Variants in STK3 observed in about 807,000 individuals in gnomAD.
STK3 encodes the protein serine/threonine kinase 3, also known as serine/threonine-protein kinase 3.
Under a neutral mutation model 58.0 loss-of-function variants are expected in STK3, and 41 were observed. The observed-to-expected ratio is 0.71, with a 90% CI of 0.55 to 0.92. The LOEUF is 0.92. STK3 is among the 40% of genes least tolerant of loss of function. The pLI, the probability that STK3 is intolerant of heterozygous loss-of-function variation, is 0.00. For missense variants in STK3, 479 were observed against 602.7 expected (o/e 0.79, Z 2.15); for synonymous variants, 170 against 191.0 (o/e 0.89, Z 0.91).
chr8:98,812,891 T>TG (rs758694582), intron 1 of STK3, among the ~76,000 whole-genome samples: 1 of 151,550 alleles, frequency 6.6e-6, no homozygotes, highest in Non-Finnish European at 1.5e-5. Flanking sequence ...TGTTGTAGGG[T>TG]GGGGGGAGTG....
At chr8:98,612,044 T>A (rs922759259) in intron 6 of STK3, among the ~76,000 whole-genome samples, 2 of 148,880 alleles carry the variant, frequency 1.3e-5, no homozygotes, top group South Asian at 4.2e-4. Flanking sequence ...GTATATAAAA[T>A]ATATATAAAT....
chr8:98,767,179 G>A (rs1237944978), intron 3 of STK3, 64 bp downstream of exon 3: 18 of 1,447,846 alleles, frequency 1.2e-5, no homozygotes, highest in Non-Finnish European at 1.5e-5. Flanking sequence ...AATAAATTTT[G>A]TTATATTTTA....
intron 1 of STK3, among the ~76,000 whole-genome samples, chr8:98,908,168 A>G (rs1426680565): frequency 6.6e-6 from 1 of 152,232 alleles, no homozygotes; most frequent in Non-Finnish European, 1.5e-5. Context: ...ACTATTTCAG[A>G]AAGGGTGCAA....
chr8:98,930,201 G>T (rs1041299091), intron 1 of STK3, among the ~76,000 whole-genome samples: 1 of 152,158 alleles, frequency 6.6e-6, no homozygotes, highest in African/African-American at 2.4e-5. Flanking sequence ...ACTACCCTGG[G>T]GAGGAGGGGA....
At chr8:98,575,057 T>C (rs767722717) in intron 8 of STK3, among the ~76,000 whole-genome samples, 2 of 152,174 alleles carry the variant, frequency 1.3e-5, no homozygotes, top group African/African-American at 2.4e-5. Context: ...CTTTTGTTTA[T>C]AGGTCTTCAG....
At chr8:98,469,814 C>T (rs969038157) in intron 10 of STK3, among the ~76,000 whole-genome samples, 1 of 152,138 alleles carries the variant, frequency 6.6e-6, no homozygotes, top group Admixed American at 6.5e-5. Context: ...TGTTGGTTTA[C>T]CTCCTGTGGA....
chr8:98,904,194 G>A (rs1358184749), intron 1 of STK3, among the ~76,000 whole-genome samples: 1 of 152,188 alleles, frequency 6.6e-6, no homozygotes, highest in Non-Finnish European at 1.5e-5. Context: ...AGAACTAACA[G>A]AGAAGAGTAA....
At chr8:98,833,011 T>A (rs1248693886) in intron 3 of STK3, among the ~76,000 whole-genome samples, 1 of 152,236 alleles carries the variant, frequency 6.6e-6, no homozygotes, top group Non-Finnish European at 1.5e-5. Flanking sequence ...TGCCAAACTG[T>A]GTAAAATATT....
chr8:98,631,040 T>C (rs1400305768), intron 6 of STK3, among the ~76,000 whole-genome samples: 1 of 152,172 alleles, frequency 6.6e-6, no homozygotes, highest in Admixed American at 6.5e-5. Flanking sequence ...ACATTCCACA[T>C]TTAGATAATC....
chr8:98,538,585 A>G (rs1241782799), intron 9 of STK3, among the ~76,000 whole-genome samples: 1 of 152,200 alleles, frequency 6.6e-6, no homozygotes, highest in Non-Finnish European at 1.5e-5. Context: ...TTGAAGCCCA[A>G]AGATTTTAGT....
At chr8:98,849,323 T>C (rs1836347093) in intron 3 of STK3, among the ~76,000 whole-genome samples, 1 of 152,064 alleles carries the variant, frequency 6.6e-6, no homozygotes, top group Non-Finnish European at 1.5e-5. Flanking sequence ...GCACTAGCTA[T>C]AGAAGGCACA....
At chr8:98,738,798 T>G (rs1156372734) in intron 4 of STK3, among the ~76,000 whole-genome samples, 1 of 152,204 alleles carries the variant, frequency 6.6e-6, no homozygotes, top group Non-Finnish European at 1.5e-5. Context: ...ATTGCCTCAC[T>G]CGGGAAGCGC....
At chr8:98,786,927 T>C (rs1016186406) in intron 1 of STK3, among the ~76,000 whole-genome samples, 1 of 151,954 alleles carries the variant, frequency 6.6e-6, no homozygotes, top group African/African-American at 2.4e-5. Flanking sequence ...TCCCAGCACT[T>C]TGAGAGGCCA....
chr8:98,710,984 T>C (rs1826373592), intron 4 of STK3, among the ~76,000 whole-genome samples: 3 of 152,138 alleles, frequency 2.0e-5, no homozygotes, highest in Admixed American at 1.3e-4. Context: ...TGTTCACCAA[T>C]ATCCACTGTT....
intron 6 of STK3, among the ~76,000 whole-genome samples, chr8:98,612,863 A>C (rs4735568): frequency 0.28 from 42,874 of 151,996 alleles, 6,384 homozygotes; most frequent in East Asian, 0.46. Flanking sequence ...TGAGAAAAGA[A>C]CAAGTAGGGA....
chr8:98,599,891 C>T (rs953608123), intron 6 of STK3, among the ~76,000 whole-genome samples: 1 of 152,036 alleles, frequency 6.6e-6, no homozygotes, highest in African/African-American at 2.4e-5. Context: ...TTGCTTGAAC[C>T]TGGGAGATGG....
chr8:98,564,568 T>C (rs1812320020), intron 8 of STK3, among the ~76,000 whole-genome samples: 1 of 152,134 alleles, frequency 6.6e-6, no homozygotes, highest in African/African-American at 2.4e-5. Context: ...TGTTGCATAG[T>C]ACAGTGACTG....
intron 3 of STK3, among the ~76,000 whole-genome samples, chr8:98,865,575 C>G (rs932916748): frequency 6.6e-6 from 1 of 152,078 alleles, no homozygotes; most frequent in Non-Finnish European, 1.5e-5. Flanking sequence ...ACTGTGTTGC[C>G]CAGGCTGGTC....
chr8:98,777,335 C>T (rs1475914866), intron 1 of STK3, among the ~76,000 whole-genome samples: 1 of 151,868 alleles, frequency 6.6e-6, no homozygotes, highest in African/African-American at 2.4e-5. Flanking sequence ...GAGACCAGCC[C>T]GGGCAAACGG....
Sources: gnomAD v4.1 joint callset for allele counts (sites outside exome capture counted in the v4.1 genomes callset) on GRCh38, gnomAD v4.1.1 for gene constraint, MANE v1.5 for transcripts, NCBI Gene and HGNC (gene_info 2026-07-23, HGNC 2026-07-21) for gene names.